The following SLC38A10 variants were observed in gnomAD, a reference collection of about 807,000 sequenced individuals.
SLC38A10 encodes the protein Sodium-coupled neutral amino acid transporter 10.
A neutral mutation model predicts 81.0 loss-of-function variants in SLC38A10; 53 were observed. That is an observed-to-expected ratio of 0.65 (90% confidence interval 0.53 to 0.82). SLC38A10 has a LOEUF of 0.82. Ranked by LOEUF, SLC38A10 falls within the 40% of genes least tolerant of loss-of-function variation. The pLI is 0.00. For synonymous variants in SLC38A10, 665 were observed against 655.3 expected (o/e 1.01, Z -0.23); for missense variants, 1,471 against 1,545.0 (o/e 0.95, Z 0.80).
At position 81,265,680 on chromosome 17, in the gene SLC38A10, C is replaced by T. The variant is rs1252894559; in HGVS notation, c.1131+5238G>A. 6.6e-6 allele frequency among the ~76,000 whole-genome samples: 1 copy of T among 152,228 alleles called. No homozygotes were observed. Among genetic ancestry groups the T allele is most frequent in the East Asian group, 1.9e-4 (1 of 5,184 alleles). On this transcript the variant is annotated intron_variant, in intron 10 of 15. Coordinates refer to ENST00000374759, the MANE Select transcript of SLC38A10 (RefSeq NM_001037984.3). This position sits in a 1 kb window ranked among gnomAD's most constrained non-coding sequence, Gnocchi z 4.2. ...AAGGCACAGATCCAGGCCTGTGCCC[C>T]TCCGTGGGCGCAGCCGGAGCCCCTG...
At chr17:81,247,170 T>C in intron 14 of SLC38A10, 109 bp from the exon 15 acceptor site, 4 of 1,209,034 alleles carry the variant, frequency 3.3e-6, no homozygotes, top group Non-Finnish European at 4.5e-6. Context: ...CTGCAGGGAG[T>C]GTGCCCGAAC....
intron 10 of SLC38A10, chr17:81,264,777 G>A (rs539490483): frequency 6.6e-6 from 1 of 152,368 alleles, no homozygotes; most frequent in Admixed American, 6.5e-5. Context: ...CCGAGCCTCA[G>A]CAGGCCTTGG....
At position 81,294,816 on chromosome 17, in the gene SLC38A10, G is replaced by T. The variant is rs759908016; in HGVS notation, c.99+7C>A. 8.9e-6 allele frequency: 14 copies of T among 1,581,056 alleles called. No homozygotes were observed. The highest frequency in any genetic ancestry group is 1.1e-5 in the South Asian group (1 of 87,328). On this transcript the variant is annotated splice_region_variant and intron_variant, in intron 1 of 15. Transcript: ENST00000374759. The stretch of plus-strand genomic sequence containing the variant: ...AGGGCGGTGATCTCCGGGCCCACCG[G>T]ACTCACCTGTTTGAAGCAGAAGGGC...
intron 11 of SLC38A10, among the ~76,000 whole-genome samples, chr17:81,254,077 TCACCACCAC>T (rs962521825): frequency 2.0e-5 from 3 of 150,704 alleles, no homozygotes; most frequent in African/African-American, 7.4e-5. Context: ...GTCACCTCCG[TCACCACCAC>T]CACCACCGCC....
chr17:81,259,245 T>C (rs56296117), intron 11 of SLC38A10, among the ~76,000 whole-genome samples: 12,358 of 152,210 alleles, frequency 0.081, 928 homozygotes, highest in African/African-American at 0.2. Context: ...AGCACCTCCA[T>C]AGCCGCCTGA....
chr17:81,293,478 GT>G (rs143962907), intron 1 of SLC38A10, among the ~76,000 whole-genome samples: 9 of 149,078 alleles, frequency 6.0e-5, no homozygotes, highest in African/African-American at 1.2e-4. Flanking sequence ...AAAAAAAGTT[GT>G]TTTTTTTTTA....
At position 81,246,015 on chromosome 17, in the gene SLC38A10, G is replaced by A. The variant is rs372573156; in HGVS notation, c.2901C>T (p.Gly967=). ...GGTGGCCCTGCTGTCCACCCTGCTC[G>A]CCATCAGAGATGACCCGCAGTTCCG... ...RQPELRVISD[G]EQGGQQGHRL... is the part of the protein sequence containing the mutation. The change falls in exon 16 of 16, where the codon GGC becomes GGT. Residue 967 remains glycine, a synonymous_variant. Coordinates refer to ENST00000374759, the MANE Select transcript of SLC38A10 (RefSeq NM_001037984.3). 27 of 1,609,202 alleles carry A rather than the reference G, an allele frequency of 1.7e-5. No homozygotes were observed. Among genetic ancestry groups the A allele is most frequent in the African/African-American group, 4.0e-5 (3 of 74,916 alleles).
Position 81,288,467 on chromosome 17 carries a change from C to T in SLC38A10, c.217+1224G>A, listed in dbSNP as rs775952640. ...GAGAACACGGATGCTGGAATTTCAA[C>T]ACCCAGGCTGGATGCCCCCAGAATG... On this transcript the variant is annotated intron_variant, in intron 2 of 15. Coordinates refer to ENST00000374759, the MANE Select transcript of SLC38A10 (RefSeq NM_001037984.3). The surrounding 1 kb of genome is among the most constrained non-coding windows in gnomAD (Gnocchi z 5.4). Among the ~76,000 whole-genome samples, 18 of 152,324 alleles carry T rather than the reference C, an allele frequency of 1.2e-4. No individual in the cohort carries two copies. The highest frequency in any genetic ancestry group is 2.5e-4 in the Non-Finnish European group (17 of 68,032).
chr17:81,257,646 A>G (rs2062985069), intron 11 of SLC38A10, among the ~76,000 whole-genome samples: 2 of 152,314 alleles, frequency 1.3e-5, no homozygotes, highest in African/African-American at 4.8e-5. Context: ...GCCTGAGCAC[A>G]CAGAACTGTG....
At position 81,246,002 on chromosome 17, in the gene SLC38A10, G is replaced by A. The variant is rs1221117099; in HGVS notation, c.2914C>T (p.Gln972Ter). ...CCATGGTCCAGCCGGTGGCCCTGCT[G>A]TCCACCCTGCTCGCCATCAGAGATG... ...RVISDGEQGG[Q>*]QGHRLDHGGH... Residue 972 changes from glutamine (Q) to a stop codon, truncating the protein, a stop_gained, in exon 16 of 16, where the codon CAG becomes TAG. Coordinates refer to ENST00000374759, the MANE Select transcript of SLC38A10 (RefSeq NM_001037984.3). LOFTEE classifies it low-confidence loss of function (END_TRUNC). 1.2e-6 allele frequency: 2 copies of A among 1,607,496 alleles called. No homozygotes were observed. The highest frequency in any genetic ancestry group is 1.1e-5 in the South Asian group (1 of 90,462).
In SLC38A10 at chr17:81,245,082, TGA is replaced by T. The variant is rs2146870107; in HGVS notation, c.*472_*473del. On this transcript the variant is annotated 3_prime_UTR_variant, in exon 16 of 16. Transcript: ENST00000374759. ...TAAACAGTCATAATAATTATCATTC[TGA>T]GTCACTGCAAGCGTGGGGTTGGATG... 6.1e-6 allele frequency: 1 copy of T among 164,320 alleles called. No individual in the cohort carries two copies. The highest frequency in any genetic ancestry group is 1.7e-4 in the East Asian group (1 of 5,730). 10.2% of individuals were successfully genotyped at this position (164,320 alleles called of 1,614,324 possible).
At chr17:81,284,634 G>T (rs1041788649) in intron 3 of SLC38A10, among the ~76,000 whole-genome samples, 1 of 152,206 alleles carries the variant, frequency 6.6e-6, no homozygotes, top group Admixed American at 6.5e-5. Context: ...CTACAACTGA[G>T]GGAGGACTGT....
chr17:81,252,517 A>G lies in SLC38A10; in HGVS notation c.1623T>C (p.Pro541=), dbSNP rs1567926034. ...APGVQGQMAP[P]LPDSEREKQE... ...GTTTCTCTCTTTCTGAGTCGGGCAG[A>G]GGCGGCGCCATCTGGCCCTGGACCC... Residue 541 remains proline, a synonymous_variant, in exon 13 of 16, where the codon CCT becomes CCC. Transcript: ENST00000374759. 1 of 1,613,336 alleles carries G rather than the reference A, an allele frequency of 6.2e-7. No individual in the cohort carries two copies. Among genetic ancestry groups the G allele is most frequent in the Non-Finnish European group, 8.5e-7 (1 of 1,180,002 alleles).
chr17:81,246,085 C>A lies in SLC38A10; in HGVS notation c.2831G>T (p.Gly944Val). The A allele has an allele frequency of 6.2e-7, 1 of 1,608,626 alleles. No individual in the cohort carries two copies. ...GGGCTGTGCAGCTGCTCCTTCCGCC[C>A]CACCGGGCAGGTCCGCTGCAAGGCC... ...DLGLAADLPG[G>V]AEGAAAQPQA... The change falls in exon 16 of 16, where the codon GGG (glycine) becomes GTG (valine). Residue 944 changes from glycine (G) to valine (V), a missense_variant. By Grantham distance (109) the Gly-to-Val change is moderately radical. This residue lies in a region of SLC38A10 where 751 missense variants were observed against 717.4 expected (regional missense o/e 1.05). Coordinates refer to ENST00000374759, the MANE Select transcript of SLC38A10 (RefSeq NM_001037984.3).
chr17:81,251,463 AGGCAGGCG>A, intron 14 of SLC38A10, 22 bp downstream of exon 14: 1 of 1,607,716 alleles, frequency 6.2e-7, no homozygotes, highest in East Asian at 2.2e-5. Context: ...CCTGGGCCTG[AGGCAGGCG>A]GCTGTAGGGC....
At chr17:81,262,472 C>G (rs896166821) in intron 10 of SLC38A10, among the ~76,000 whole-genome samples, 1 of 152,214 alleles carries the variant, frequency 6.6e-6, no homozygotes, top group Non-Finnish European at 1.5e-5. Context: ...CGCCTCGTCC[C>G]GGGTGGATTT....
Position 81,246,521 on chromosome 17 carries a change from T to G in SLC38A10, c.2395A>C (p.Asn799His), listed in dbSNP as rs535103820. 2.6e-6 allele frequency: 4 copies of G among 1,528,208 alleles called. No homozygotes were observed. The highest frequency in any genetic ancestry group is 4.5e-5 in the East Asian group (2 of 44,104). 94.7% of individuals were successfully genotyped at this position (1,528,208 alleles called of 1,614,324 possible). A position where few individuals can be genotyped will look rare whatever the true frequency, so the allele number is the denominator to read the frequency against. The change falls in exon 16 of 16, where the codon AAC (asparagine) becomes CAC (histidine). Residue 799 changes from asparagine (N) to histidine (H), a missense_variant. Transcript: ENST00000374759. ...GGRPAPSQDL[N>H]QRSLEHSEGP... ...TCAGAGTGCTCCAGGGAGCGCTGGT[T>G]AAGGTCCTGGGATGGAGCAGGGCGG...
intron 8 of SLC38A10, among the ~76,000 whole-genome samples, chr17:81,273,798 G>A (rs72850613): frequency 0.066 from 10,046 of 152,236 alleles, 374 homozygotes; most frequent in East Asian, 0.13. Context: ...AAGGGTGAAG[G>A]AGCAGTGCAC....
At chr17:81,260,058 C>T (rs1342038757) in intron 11 of SLC38A10, among the ~76,000 whole-genome samples, 180 bp downstream of exon 11, 2 of 152,230 alleles carry the variant, frequency 1.3e-5, no homozygotes, top group East Asian at 1.9e-4. Flanking sequence ...GGCAGCCATG[C>T]CACAGCCAGC....
Sources: allele counts gnomAD v4.1 joint callset (sites outside exome capture counted in the v4.1 genomes callset), GRCh38; gene constraint gnomAD v4.1.1; regional missense constraint gnomAD v4.1.1; non-coding constraint Gnocchi (gnomAD v3.1); transcripts MANE v1.5; gene names NCBI Gene and HGNC (gene_info 2026-07-23, HGNC 2026-07-21).